ATR: variants seen among roughly 807,000 people sequenced by gnomAD.
The protein encoded by ATR is serine/threonine-protein kinase ATR.
In ATR, 142 loss-of-function variants were observed where a neutral mutation model predicts 305.3. The ratio of observed to expected loss-of-function variants is 0.47; its 90% CI spans 0.41 to 0.53. The LOEUF (loss-of-function observed/expected upper bound fraction) is 0.53. ATR is among the 20% of genes least tolerant of loss of function. ATR has a pLI of 0.00. For missense variants in ATR, 2,135 were observed against 3,133.1 expected, an observed-to-expected ratio of 0.68 and a Z score of 7.60; for synonymous variants, 1,050 against 1,068.1, an observed-to-expected ratio of 0.98 and a Z score of 0.33.
rs768868146 is a variant in ATR at position 142,470,038 on chromosome 3, A to G, written c.6319+48T>C. The G allele has an allele frequency of 6.2e-6, 9 of 1,453,846 alleles. No individual in the cohort carries two copies. In the South Asian group the frequency reaches 9.4e-5, roughly 15 times the overall value. 90.1% of individuals were successfully genotyped at this position (1,453,846 alleles called of 1,614,324 possible). ...GTCCAGCCAAATCTGACTTTATACC[A>G]AAGTTATAATTCCTAGTCCTTTAAA... On this transcript the variant is annotated intron_variant, in intron 37 of 46. Transcript: ENST00000350721.
At chr3:142,559,074 A>G (rs1288929622) in intron 7 of ATR, 177 bp downstream of exon 7, 2 of 688,648 alleles carry the variant, frequency 2.9e-6, no homozygotes, top group Non-Finnish European at 4.7e-6. Flanking sequence ...TCAAAATATT[A>G]TGCACATAAA....
intron 30 of ATR, 164 bp from the exon 31 acceptor site, chr3:142,499,882 G>C (rs1051528733): frequency 5.1e-6 from 3 of 592,520 alleles, no homozygotes; most frequent in African/African-American, 3.8e-5. Flanking sequence ...AAACTATCCA[G>C]AAAATTTTAA....
At chr3:142,573,696 T>G (rs1256881775) in intron 1 of ATR, among the ~76,000 whole-genome samples, 1 of 152,138 alleles carries the variant, frequency 6.6e-6, no homozygotes, top group African/African-American at 2.4e-5. Flanking sequence ...ACAATATATC[T>G]GAAATATTAG....
chr3:142,506,516 G>A (rs1187727736), intron 28 of ATR, among the ~76,000 whole-genome samples: 3 of 151,910 alleles, frequency 2.0e-5, no homozygotes, highest in East Asian at 1.9e-4. Flanking sequence ...GGAAAACCCC[G>A]TCTCTACAAA....
At chr3:142,454,793 T>G (rs2070870238) in intron 45 of ATR, among the ~76,000 whole-genome samples, 1 of 152,206 alleles carries the variant, frequency 6.6e-6, no homozygotes, top group African/African-American at 2.4e-5. Context: ...TAAAAGTCCT[T>G]TCAAACAATC....
At chr3:142,462,148 T>C in intron 41 of ATR, 58 bp from the exon 42 acceptor site, 1 of 1,458,266 alleles carries the variant, frequency 6.9e-7, no homozygotes, top group Non-Finnish European at 9.5e-7. Context: ...TTCTAAATGT[T>C]ATATCAAATA....
intron 1 of ATR, among the ~76,000 whole-genome samples, chr3:142,576,377 A>G (rs578257181): frequency 6.6e-6 from 1 of 152,320 alleles, no homozygotes; most frequent in South Asian, 2.1e-4. Context: ...TAAATTTGGG[A>G]GTTATCAGCA....
At chr3:142,526,820 G>A (rs1466279415) in intron 21 of ATR, among the ~76,000 whole-genome samples, 5 of 150,390 alleles carry the variant, frequency 3.3e-5, no homozygotes, top group African/African-American at 9.8e-5. Context: ...ACAGGGTCCC[G>A]CTCTGTTGCC....
At chr3:142,549,732 A>C (rs1343533779) in intron 14 of ATR, 59 bp from the exon 15 acceptor site, 1 of 1,513,278 alleles carries the variant, frequency 6.6e-7, no homozygotes, top group Non-Finnish European at 9.1e-7. Context: ...AAAAATATTC[A>C]CATAAGCTAT....
At chr3:142,460,976 T>G (rs955859835) in intron 42 of ATR, among the ~76,000 whole-genome samples, 3 of 152,162 alleles carry the variant, frequency 2.0e-5, no homozygotes, top group African/African-American at 7.2e-5. Context: ...TTTCACCAGC[T>G]GTCCCACTAG....
intron 30 of ATR, among the ~76,000 whole-genome samples, chr3:142,503,002 C>A (rs1251989958): frequency 6.6e-6 from 1 of 152,204 alleles, no homozygotes; most frequent in African/African-American, 2.4e-5. Flanking sequence ...CAGTGGTATT[C>A]CGTAAATCAG....
At chr3:142,450,264 CT>C in intron 46 of ATR, 1 of 725,120 alleles carries the variant, frequency 1.4e-6, no homozygotes, top group Non-Finnish European at 2.5e-6. Context: ...CAACAGCCAA[CT>C]TTCCCTTTTG....
chr3:142,564,737 A>T lies in ATR; in HGVS notation c.292+1384T>A, dbSNP rs73240320. On this transcript the variant is annotated intron_variant, in intron 3 of 46. Transcript: ENST00000350721. ...AATAGTACTTACTCTTATTACATAC[A>T]ATGTACTATAATATTTTCTTTTTTT... Among the ~76,000 whole-genome samples, 763 of 152,198 alleles carry T rather than the reference A, an allele frequency of 5.0e-3. 2 individuals carry two copies. The highest frequency in any genetic ancestry group is 8.7e-3 in the Non-Finnish European group (591 of 67,998).
chr3:142,505,952 G>T (rs1290073768), intron 28 of ATR, among the ~76,000 whole-genome samples: 3 of 152,172 alleles, frequency 2.0e-5, no homozygotes, highest in African/African-American at 7.2e-5. Flanking sequence ...TATCCCAGAA[G>T]CCATGGGAGA....
At chr3:142,497,416 G>C (rs1269109734) in intron 32 of ATR, among the ~76,000 whole-genome samples, 1 of 151,868 alleles carries the variant, frequency 6.6e-6, no homozygotes, top group Admixed American at 6.6e-5. Flanking sequence ...CTTTAGCCAG[G>C]CATGGTAGCG....
At chr3:142,531,686 T>C (rs2033652912) in intron 21 of ATR, among the ~76,000 whole-genome samples, 1 of 152,364 alleles carries the variant, frequency 6.6e-6, no homozygotes. Flanking sequence ...TCCAAGTCTT[T>C]GCTATTGTGA....
At chr3:142,574,040 G>A (rs1489739992) in intron 1 of ATR, among the ~76,000 whole-genome samples, 3 of 152,114 alleles carry the variant, frequency 2.0e-5, no homozygotes, top group African/African-American at 4.8e-5. Flanking sequence ...CAGGATTGTG[G>A]GTAGTGGTCA....
intron 1 of ATR, among the ~76,000 whole-genome samples, chr3:142,569,968 T>C (rs1189514380): frequency 6.6e-6 from 1 of 152,186 alleles, no homozygotes; most frequent in Non-Finnish European, 1.5e-5. Flanking sequence ...TATTAATAGC[T>C]ATCATAATGG....
intron 35 of ATR, among the ~76,000 whole-genome samples, chr3:142,486,100 A>C (rs2030907159): frequency 6.6e-6 from 1 of 152,160 alleles, no homozygotes; most frequent in Non-Finnish European, 1.5e-5. Context: ...TTCCTGCCTT[A>C]AATATTTGTG....
Sources: gnomAD v4.1 joint callset for allele counts (sites outside exome capture counted in the v4.1 genomes callset) on GRCh38, gnomAD v4.1.1 for gene constraint, MANE v1.5 for transcripts, NCBI Gene and HGNC (gene_info 2026-07-23, HGNC 2026-07-21) for gene names.